SLC24A2: variants seen among roughly 807,000 people sequenced by gnomAD.
The protein encoded by SLC24A2 is sodium/potassium/calcium exchanger 2.
In SLC24A2, 36 loss-of-function variants were observed where a neutral mutation model predicts 62.0. That is an observed-to-expected ratio of 0.58 (90% CI 0.44 to 0.77). The LOEUF is 0.77. Ranked by LOEUF, SLC24A2 falls within the 30% of genes least tolerant of loss-of-function variation. SLC24A2 has a pLI of 0.00. For missense variants in SLC24A2, 846 were observed against 817.9 expected (o/e 1.03, Z -0.42); for synonymous variants, 358 against 294.0 (o/e 1.22, Z -2.23).
In SLC24A2 at chr9:19,527,955, G is replaced by T. The variant is rs1483187735; in HGVS notation, c.1569+94C>A. On this transcript the variant is annotated intron_variant, in intron 9 of 10. Coordinates refer to ENST00000341998, the MANE Select transcript of SLC24A2 (RefSeq NM_020344.4). Reference sequence around the variant, plus strand: ...CGTCTGTGTCACACCCAATACTGTTGTGGCAGTTGCAGAAAGCAAACACAA... The same window carrying T: ...CGTCTGTGTCACACCCAATACTGTTTTGGCAGTTGCAGAAAGCAAACACAA... 3 of 787,182 alleles carry T rather than the reference G, an allele frequency of 3.8e-6. No individual in the cohort carries two copies. The Admixed American group carries it at 6.0e-5, about 16-fold the overall frequency. The allele number at this position is 787,182 out of a possible 1,614,324, so 48.8% of individuals were successfully genotyped here.
chr9:19,643,719 G>T (rs934556217), intron 2 of SLC24A2, among the ~76,000 whole-genome samples: 18 of 152,220 alleles, frequency 1.2e-4, no homozygotes, highest in Non-Finnish European at 2.2e-4. Flanking sequence ...TCTCCAGTCT[G>T]CAAAGAACTT....
At chr9:20,075,554 A>G in the SLC24A2 span, among the ~76,000 whole-genome samples, 1 of 152,038 alleles carries the variant, frequency 6.6e-6, no homozygotes, top group Non-Finnish European at 1.5e-5. Context: ...CACACCTCAC[A>G]CTTCCCTCCT....
chr9:19,909,886 T>C, the SLC24A2 span, among the ~76,000 whole-genome samples: 1 of 152,102 alleles, frequency 6.6e-6, no homozygotes, highest in African/African-American at 2.4e-5. Context: ...CCCTTTGTTA[T>C]GGCCTTATTC....
At chr9:20,270,015 T>A in the SLC24A2 span, among the ~76,000 whole-genome samples, 10 of 152,276 alleles carry the variant, frequency 6.6e-5, no homozygotes, top group South Asian at 1.9e-3. Context: ...TGGTGGAGAA[T>A]TTCAAAGGGG....
the SLC24A2 span, among the ~76,000 whole-genome samples, chr9:20,147,787 G>C: frequency 5.3e-5 from 8 of 152,026 alleles, no homozygotes; most frequent in African/African-American, 1.9e-4. Flanking sequence ...CAACTAACCT[G>C]GGGCAAAGAA....
At chr9:19,795,184 T>G in the SLC24A2 span, among the ~76,000 whole-genome samples, 16 of 152,294 alleles carry the variant, frequency 1.1e-4, 1 homozygote, top group South Asian at 3.3e-3. Context: ...CTCCATCTCC[T>G]CCATACAGTA....
intron 2 of SLC24A2, among the ~76,000 whole-genome samples, chr9:19,643,295 G>A (rs1212508620): frequency 6.6e-6 from 1 of 152,096 alleles, no homozygotes; most frequent in Admixed American, 6.5e-5. Flanking sequence ...TATCTGCAGA[G>A]ATCAAAGGAC....
At chr9:20,114,818 G>C in the SLC24A2 span, among the ~76,000 whole-genome samples, 1 of 152,126 alleles carries the variant, frequency 6.6e-6, no homozygotes, top group African/African-American at 2.4e-5. Flanking sequence ...CAGCCTCTCT[G>C]TAAGATGCTG....
At chr9:19,872,320 T>G in the SLC24A2 span, among the ~76,000 whole-genome samples, 3 of 152,204 alleles carry the variant, frequency 2.0e-5, no homozygotes, top group Non-Finnish European at 4.4e-5. Flanking sequence ...GTTCTCAGTA[T>G]TATGGTGATT....
intron 1 of SLC24A2, chr9:19,788,442 C>T (rs1275291517): frequency 6.5e-6 from 6 of 925,538 alleles, no homozygotes; most frequent in Non-Finnish European, 7.7e-6. Flanking sequence ...GAATGTTCGC[C>T]CCCAGCCGCG....
chr9:20,168,775 C>A, the SLC24A2 span, among the ~76,000 whole-genome samples: 1 of 152,004 alleles, frequency 6.6e-6, no homozygotes, highest in South Asian at 2.1e-4. Flanking sequence ...AATGATGCAG[C>A]CACTGTGGAG....
At chr9:20,159,860 A>G in the SLC24A2 span, among the ~76,000 whole-genome samples, 4 of 151,700 alleles carry the variant, frequency 2.6e-5, 1 homozygote, top group South Asian at 8.3e-4. Flanking sequence ...ATATACAAAG[A>G]AGTCATGCCA....
the SLC24A2 span, among the ~76,000 whole-genome samples, chr9:20,117,682 C>G: frequency 7.9e-5 from 12 of 152,208 alleles, no homozygotes; most frequent in Non-Finnish European, 1.8e-4. Context: ...GGTCATATAC[C>G]TAGTAAACGG....
At chr9:20,166,222 C>A in the SLC24A2 span, among the ~76,000 whole-genome samples, 2 of 151,912 alleles carry the variant, frequency 1.3e-5, no homozygotes. Flanking sequence ...TTAGCAATAT[C>A]CAACAAAATT....
At chr9:19,906,989 A>T in the SLC24A2 span, among the ~76,000 whole-genome samples, 1 of 152,218 alleles carries the variant, frequency 6.6e-6, no homozygotes, top group Non-Finnish European at 1.5e-5. Context: ...GGCCAGCATC[A>T]TCCCGATACC....
the SLC24A2 span, among the ~76,000 whole-genome samples, chr9:20,229,431 C>A: frequency 1.1e-3 from 172 of 152,234 alleles, no homozygotes; most frequent in Admixed American, 2.6e-3. Flanking sequence ...GTGTTAAACA[C>A]CCAGTAGACA....
At chr9:20,092,452 T>C in the SLC24A2 span, among the ~76,000 whole-genome samples, 2 of 152,158 alleles carry the variant, frequency 1.3e-5, no homozygotes, top group African/African-American at 4.8e-5. Flanking sequence ...TAGACTTTTT[T>C]ATTTTTTTTA....
At chr9:20,296,832 C>T in the SLC24A2 span, among the ~76,000 whole-genome samples, 1 of 152,192 alleles carries the variant, frequency 6.6e-6, no homozygotes, top group Non-Finnish European at 1.5e-5. Flanking sequence ...CAGTTCATAA[C>T]TGTTATGCTC....
At chr9:19,545,543 C>G (rs1010367472) in intron 8 of SLC24A2, among the ~76,000 whole-genome samples, 1 of 152,102 alleles carries the variant, frequency 6.6e-6, no homozygotes, top group Non-Finnish European at 1.5e-5. Flanking sequence ...GCGCGGGTTT[C>G]TCCCCATCTT....
Sources: gnomAD v4.1 joint callset for allele counts (sites outside exome capture counted in the v4.1 genomes callset) on GRCh38, gnomAD v4.1.1 for gene constraint, MANE v1.5 for transcripts, NCBI Gene and HGNC (gene_info 2026-07-23, HGNC 2026-07-21) for gene names.